PHYHD1: variants seen among roughly 807,000 people sequenced by gnomAD.
The protein encoded by PHYHD1 is phytanoyl-CoA dioxygenase domain containing 1.
Under a neutral mutation model 43.6 loss-of-function variants are expected in PHYHD1, and 42 were observed. The observed-to-expected ratio is 0.96, with a 90% CI of 0.75 to 1.25. The LOEUF (loss-of-function observed/expected upper bound fraction) is 1.25. Ranked by LOEUF, PHYHD1 falls within the 50% of genes most tolerant of loss-of-function variation. PHYHD1 has a pLI of 0.00. For missense variants in PHYHD1, 342 were observed against 370.8 expected (o/e 0.92, Z 0.64); for synonymous variants, 139 against 143.6 (o/e 0.97, Z 0.23).
Position 128,921,491 on chromosome 9 carries a change from G to A in PHYHD1, c.-337G>A, listed in dbSNP as rs558284682. The A allele has an allele frequency of 6.6e-6, 1 of 152,268 alleles. No homozygotes were observed. Among genetic ancestry groups the A allele is most frequent in the African/African-American group, 2.4e-5 (1 of 41,438 alleles). 9.4% of individuals were successfully genotyped at this position (152,268 alleles called of 1,614,324 possible). On this transcript the variant is annotated 5_prime_UTR_variant, in exon 1 of 13. Coordinates refer to ENST00000372592, the MANE Select transcript of PHYHD1 (RefSeq NM_001100876.2). ...TTTTTTGTATTTTTAGTAGAGACGG[G>A]GTTTCACCGTGTTAGCCAGGATGGT...
At chr9:128,923,442 G>C (rs923303007) in intron 3 of PHYHD1, among the ~76,000 whole-genome samples, 2 of 152,248 alleles carry the variant, frequency 1.3e-5, no homozygotes, top group Admixed American at 6.5e-5. Flanking sequence ...CCAGAGAAAG[G>C]AGGGCACTTA....
intron 3 of PHYHD1, among the ~76,000 whole-genome samples, chr9:128,926,250 G>A (rs1841130188): frequency 6.6e-6 from 1 of 152,112 alleles, no homozygotes; most frequent in Admixed American, 6.6e-5. Flanking sequence ...CTTTTTTTGA[G>A]ACGGAGTTTC....
At position 128,941,776 on chromosome 9, in the gene PHYHD1, T is replaced by C. The variant is rs1332069013; in HGVS notation, c.*63T>C. 10 of 1,608,796 alleles carry C rather than the reference T, an allele frequency of 6.2e-6. No individual in the cohort carries two copies. Among genetic ancestry groups the C allele is most frequent in the Non-Finnish European group, 8.5e-6 (10 of 1,175,514 alleles). ...TGAAGCTGTGGGCTGTAAACACCAGTGCCTTGCTCAGCCTCCTGGTTGCAA... is the reference window on the plus strand; with the variant it reads ...TGAAGCTGTGGGCTGTAAACACCAGCGCCTTGCTCAGCCTCCTGGTTGCAA... On this transcript the variant is annotated 3_prime_UTR_variant, in exon 13 of 13. Transcript: ENST00000372592.
intron 4 of PHYHD1, 111 bp downstream of exon 4, chr9:128,927,307 C>A: frequency 7.3e-7 from 1 of 1,364,830 alleles, no homozygotes; most frequent in Non-Finnish European, 1.0e-6. Flanking sequence ...GGTGTCAGGC[C>A]AAGCCCCTTA....
intron 4 of PHYHD1, 98 bp from the exon 5 acceptor site, chr9:128,933,684 T>G: frequency 7.6e-7 from 1 of 1,311,088 alleles, no homozygotes; most frequent in East Asian, 2.3e-5. Context: ...TCTGTAACCC[T>G]GTGAGGGTGG....
intron 4 of PHYHD1, among the ~76,000 whole-genome samples, chr9:128,927,812 C>T (rs572639047): frequency 2.6e-5 from 4 of 152,332 alleles, no homozygotes; most frequent in African/African-American, 9.6e-5. Flanking sequence ...TTCTGTTTTC[C>T]GGCTGTTCTC....
chr9:128,932,847 ATTTAT>A (rs750978147), intron 4 of PHYHD1, among the ~76,000 whole-genome samples: 6,199 of 148,196 alleles, frequency 0.042, 218 homozygotes, highest in Non-Finnish European at 0.062. Context: ...TTATTTATTT[ATTTAT>A]TTATTTATTT....
intron 4 of PHYHD1, among the ~76,000 whole-genome samples, chr9:128,930,456 A>C (rs1263360182): frequency 6.7e-6 from 1 of 150,088 alleles, no homozygotes; most frequent in Non-Finnish European, 1.5e-5. Flanking sequence ...TTAAAAAAAA[A>C]AAAACAAACC....
intron 6 of PHYHD1, among the ~76,000 whole-genome samples, chr9:128,936,029 G>A (rs1312512337): frequency 6.6e-6 from 1 of 152,160 alleles, no homozygotes; most frequent in African/African-American, 2.4e-5. Flanking sequence ...ACATTCATTA[G>A]CCCATCGAGT....
intron 3 of PHYHD1, among the ~76,000 whole-genome samples, chr9:128,926,113 G>A (rs941347299): frequency 5.3e-5 from 8 of 152,208 alleles, no homozygotes; most frequent in African/African-American, 1.7e-4. Context: ...TCCTAAAACC[G>A]TGTCTCAGAC....
At chr9:128,933,086 C>T (rs1199588992) in intron 4 of PHYHD1, among the ~76,000 whole-genome samples, 3 of 147,204 alleles carry the variant, frequency 2.0e-5, no homozygotes, top group African/African-American at 5.0e-5. Flanking sequence ...CTCCTGACCT[C>T]GTGATCCGCC....
At chr9:128,926,965 TG>T (rs1339057923) in intron 3 of PHYHD1, 72 bp from the exon 4 acceptor site, 18 of 1,602,528 alleles carry the variant, frequency 1.1e-5, no homozygotes, top group Non-Finnish European at 1.5e-5. Context: ...TTCACACAGC[TG>T]CAAGGTTGAG....
At position 128,927,099 on chromosome 9, in the gene PHYHD1, T is replaced by C. The variant is rs926343288; in HGVS notation, c.95T>C (p.Met32Thr). ...GFLSAEECVA[M>T]QQRIGEIVAE... ...TTGTCTGCGGAAGAGTGTGTGGCCA[T>C]GCAACAAAGGATTGGCGAGATAGTG... The change falls in exon 4 of 13, where the codon ATG becomes ACG. Residue 32 changes from methionine to threonine, a missense_variant. By Grantham distance (81) the Met-to-Thr change is moderately conservative (BLOSUM62 -1). Coordinates refer to ENST00000372592, the MANE Select transcript of PHYHD1 (RefSeq NM_001100876.2). The C allele has an allele frequency of 1.4e-5, 22 of 1,614,042 alleles. No homozygotes were observed. The highest frequency in any genetic ancestry group is 1.7e-5 in the Non-Finnish European group (20 of 1,180,026).
chr9:128,921,812 G>T (rs1359193049), intron 1 of PHYHD1, 118 bp from the exon 2 acceptor site: 1 of 155,992 alleles, frequency 6.4e-6, no homozygotes, highest in Non-Finnish European at 1.4e-5. Context: ...TCAGATCGGT[G>T]CTGGGAGGGG....
At position 128,940,725 on chromosome 9, in the gene PHYHD1, T is replaced by G; in HGVS notation, c.703+10T>G. On this transcript the variant is annotated intron_variant, in intron 11 of 12. Transcript: ENST00000372592. ...ACCCCAGTGCAGAGAGGTAGGCAGA[T>G]GCAGAGGGCAGAGAGGCAGGGGGCT... 6.2e-7 allele frequency: 1 copy of G among 1,612,144 alleles called. No homozygotes were observed. Among genetic ancestry groups the G allele is most frequent in the African/African-American group, 1.3e-5 (1 of 74,964 alleles).
In PHYHD1 at chr9:128,936,372, G is replaced by A. The variant is rs117501817; in HGVS notation, c.317-76G>A. The A allele has an allele frequency of 1.2e-3, 1,842 of 1,544,698 alleles. 4 individuals are homozygous for A. The highest frequency in any genetic ancestry group is 1.4e-3 in the Non-Finnish European group (1,604 of 1,138,906). On this transcript the variant is annotated intron_variant, in intron 6 of 12. Coordinates refer to ENST00000372592, the MANE Select transcript of PHYHD1 (RefSeq NM_001100876.2). ...AGTGAGAATGTCAAAGTAAGCCTGAGTGTGGGTGCCCAGAGCTGGGTGTGG... is the reference window on the plus strand; with the variant it reads ...AGTGAGAATGTCAAAGTAAGCCTGAATGTGGGTGCCCAGAGCTGGGTGTGG...
At chr9:128,932,103 G>A (rs1841295700) in intron 4 of PHYHD1, among the ~76,000 whole-genome samples, 1 of 151,448 alleles carries the variant, frequency 6.6e-6, no homozygotes, top group South Asian at 2.1e-4. Flanking sequence ...CCAGAGTGCT[G>A]AGATTAAAGG....
chr9:128,924,746 C>A (rs1841092145), intron 3 of PHYHD1, among the ~76,000 whole-genome samples: 1 of 151,276 alleles, frequency 6.6e-6, no homozygotes, highest in Non-Finnish European at 1.5e-5. Context: ...ACCAGCCTGG[C>A]CAACATAGTG....
At chr9:128,934,931 C>T (rs934803327) in intron 6 of PHYHD1, among the ~76,000 whole-genome samples, 3 of 152,116 alleles carry the variant, frequency 2.0e-5, no homozygotes, top group African/African-American at 7.2e-5. Context: ...TCCCCCCTAA[C>T]AGGTGGGCAT....
Sources: gnomAD v4.1 joint callset for allele counts (sites outside exome capture counted in the v4.1 genomes callset) on GRCh38, gnomAD v4.1.1 for gene constraint, MANE v1.5 for transcripts, NCBI Gene and HGNC (gene_info 2026-07-23, HGNC 2026-07-21) for gene names.